Variants in GULP1 observed in about 807,000 individuals in gnomAD.
The protein encoded by GULP1 is GULP PTB domain containing engulfment adaptor 1, also known as PTB domain-containing engulfment adapter protein 1.
Under a neutral mutation model 40.9 loss-of-function variants are expected in GULP1, and 19 were observed. The observed-to-expected ratio is 0.46, with a 90% CI of 0.32 to 0.68. The LOEUF is 0.68. Ranked by LOEUF, GULP1 falls within the 30% of genes least tolerant of loss-of-function variation. The probability of loss-of-function intolerance (pLI) is 0.03; values close to 1 mark genes in which losing one functional copy is unlikely to be tolerated. For missense variants in GULP1, 312 were observed against 362.2 expected, an observed-to-expected ratio of 0.86 and a Z score of 1.12; for synonymous variants, 119 against 117.6, an observed-to-expected ratio of 1.01 and a Z score of -0.08.
At chr2:188,559,954 T>C (rs115594323) in intron 7 of GULP1, among the ~76,000 whole-genome samples, 3,196 of 152,296 alleles carry the variant, frequency 0.021, 104 homozygotes, top group African/African-American at 0.073. Flanking sequence ...CACTGCCACG[T>C]AAGAAGTGCC....
At chr2:188,565,445 ATAT>A (rs1697424193) in intron 7 of GULP1, among the ~76,000 whole-genome samples, 1 of 152,160 alleles carries the variant, frequency 6.6e-6, no homozygotes, top group African/African-American at 2.4e-5. Flanking sequence ...AAACTGAGCA[ATAT>A]TATTATTCAA....
Position 188,449,506 on chromosome 2 carries a change from G to A in GULP1, c.-44-28153G>A, listed in dbSNP as rs893201429. On this transcript the variant is annotated intron_variant, in intron 2 of 11. Transcript: ENST00000409830. ...CTAATTAGGTAGTGAATATACTTCT[G>A]GGGATAGCATTATGGAACTCGGTTT... Among the ~76,000 whole-genome samples, 3 of 152,124 alleles carry A rather than the reference G, an allele frequency of 2.0e-5. No homozygotes were observed. In the East Asian group the frequency reaches 5.8e-4, roughly 29 times the overall value.
At chr2:188,591,829 AT>A (rs1703622532) in intron 11 of GULP1, 1 of 151,886 alleles carries the variant, frequency 6.6e-6, no homozygotes, top group Non-Finnish European at 1.5e-5. Flanking sequence ...AAATAAGAAA[AT>A]TCATCAAAAT....
chr2:188,439,862 G>T (rs1307821871), intron 2 of GULP1, among the ~76,000 whole-genome samples: 1 of 152,124 alleles, frequency 6.6e-6, no homozygotes, highest in Non-Finnish European at 1.5e-5. Context: ...GTAAGGTGAT[G>T]CAGGAAAAGC....
At chr2:188,457,083 G>A (rs142849311) in intron 2 of GULP1, among the ~76,000 whole-genome samples, 10,776 of 152,200 alleles carry the variant, frequency 0.071, 537 homozygotes, top group East Asian at 0.25. Flanking sequence ...GAAGTAACTA[G>A]CTTGCTTTTG....
chr2:188,306,958 G>A (rs2037197642), intron 1 of GULP1, among the ~76,000 whole-genome samples: 1 of 152,108 alleles, frequency 6.6e-6, no homozygotes, highest in African/African-American at 2.4e-5. Context: ...AATAATTGTG[G>A]GAGGTAAACA....
chr2:188,524,742 AAG>A (rs982006122), intron 5 of GULP1, among the ~76,000 whole-genome samples: 11 of 151,776 alleles, frequency 7.2e-5, no homozygotes, highest in African/African-American at 1.9e-4. Context: ...ACTAAAAAAA[AAG>A]AGAAAAAAGA....
chr2:188,460,423 C>CTTT (rs58423265), intron 2 of GULP1, among the ~76,000 whole-genome samples: 1 of 143,680 alleles, frequency 7.0e-6, no homozygotes, highest in South Asian at 2.2e-4. Flanking sequence ...AATGGGAATT[C>CTTT]TTTTTTTTTT....
intron 2 of GULP1, among the ~76,000 whole-genome samples, chr2:188,384,943 C>T (rs866111636): frequency 6.6e-6 from 1 of 152,176 alleles, no homozygotes; most frequent in African/African-American, 2.4e-5. Context: ...TAGCTGCCCT[C>T]CTGGCTGCTT....
chr2:188,590,184 G>A (rs991349929), intron 11 of GULP1: 2 of 152,234 alleles, frequency 1.3e-5, no homozygotes, highest in African/African-American at 4.8e-5. Flanking sequence ...ATGTTGTCCA[G>A]ACTGGGCTTG....
chr2:188,431,522 G>C (rs892507590), intron 2 of GULP1, among the ~76,000 whole-genome samples: 2 of 152,072 alleles, frequency 1.3e-5, no homozygotes, highest in African/African-American at 2.4e-5. Context: ...TTCACGAAGA[G>C]TAATTGTAAA....
At chr2:188,390,693 C>A (rs1197746102) in intron 2 of GULP1, among the ~76,000 whole-genome samples, 1 of 152,142 alleles carries the variant, frequency 6.6e-6, no homozygotes, top group Admixed American at 6.6e-5. Context: ...TTTGCCTAGG[C>A]TGAAGTTCAG....
rs146325909 is a variant in GULP1 at position 188,305,066 on chromosome 2, G to C, written c.-172+12900G>C. On this transcript the variant is annotated intron_variant, in intron 1 of 11. Coordinates refer to ENST00000409830, the MANE Select transcript of GULP1 (RefSeq NM_016315.4). The stretch of plus-strand genomic sequence containing the variant: ...ACACTTGTTGGAAGTCCGGGCCTCT[G>C]TAACTTCTGACCCACTGACTTCAAG... Among the ~76,000 whole-genome samples the C allele has an allele frequency of 2.3e-3, 356 of 152,192 alleles. 1 individual carries two copies. Among genetic ancestry groups the C allele is most frequent in the South Asian group, 0.012 (59 of 4,822 alleles).
At chr2:188,588,196 A>C in intron 11 of GULP1, 3 of 469,158 alleles carry the variant, frequency 6.4e-6, no homozygotes, top group Non-Finnish European at 1.2e-5. Context: ...CATTTTTTAA[A>C]TACAAAATGG....
At chr2:188,449,527 G>A (rs1386533719) in intron 2 of GULP1, among the ~76,000 whole-genome samples, 2 of 152,100 alleles carry the variant, frequency 1.3e-5, no homozygotes, top group Non-Finnish European at 1.5e-5. Flanking sequence ...TATGGAACTC[G>A]GTTTATAACA....
At chr2:188,501,915 C>T (rs972512980) in intron 4 of GULP1, among the ~76,000 whole-genome samples, 10 of 151,948 alleles carry the variant, frequency 6.6e-5, no homozygotes, top group African/African-American at 2.2e-4. Context: ...GTCTCCCCTC[C>T]TCTCCCAGTC....
At chr2:188,416,851 TTGAG>T (rs1360227689) in intron 2 of GULP1, among the ~76,000 whole-genome samples, 7 of 152,196 alleles carry the variant, frequency 4.6e-5, no homozygotes, top group Non-Finnish European at 1.0e-4. Context: ...GGAAAACAGT[TTGAG>T]TATTTATTTT....
At chr2:188,414,050 C>T (rs1241496465) in intron 2 of GULP1, among the ~76,000 whole-genome samples, 1 of 151,854 alleles carries the variant, frequency 6.6e-6, no homozygotes, top group Non-Finnish European at 1.5e-5. Context: ...AACCCCATCT[C>T]TACTAAAAAT....
intron 7 of GULP1, among the ~76,000 whole-genome samples, chr2:188,562,479 A>C (rs1696561250): frequency 6.6e-6 from 1 of 152,172 alleles, no homozygotes; most frequent in Non-Finnish European, 1.5e-5. Flanking sequence ...TTATATATTC[A>C]AAATGTGATT....
Sources: gnomAD v4.1 joint callset for allele counts (sites outside exome capture counted in the v4.1 genomes callset) on GRCh38, gnomAD v4.1.1 for gene constraint, MANE v1.5 for transcripts, NCBI Gene and HGNC (gene_info 2026-07-23, HGNC 2026-07-21) for gene names.